The following BRWD1 variants were observed in gnomAD, a reference collection of about 807,000 sequenced individuals.
BRWD1 encodes the protein bromodomain and WD repeat-containing protein 1.
A neutral mutation model predicts 251.2 loss-of-function variants in BRWD1; 82 were observed. That is an observed-to-expected ratio of 0.33 (90% CI 0.27 to 0.39). The LOEUF (loss-of-function observed/expected upper bound fraction) is 0.39. BRWD1 is among the 10% of genes least tolerant of loss of function. The pLI, the probability that BRWD1 is intolerant of heterozygous loss-of-function variation, is 1.00. For synonymous variants in BRWD1, 918 were observed against 902.8 expected, an observed-to-expected ratio of 1.02 and a Z score of -0.30; for missense variants, 2,233 against 2,711.6, an observed-to-expected ratio of 0.82 and a Z score of 3.92.
intron 23 of BRWD1, chr21:39,235,959 A>G (rs535130528): frequency 7.1e-5 from 15 of 210,578 alleles, no homozygotes; most frequent in Non-Finnish European, 1.2e-4. Context: ...AAAGGTGGCA[A>G]GAGGCTTATG....
rs2031857280 is a variant in BRWD1 at position 39,197,023 on chromosome 21, C to T, written c.6046G>A (p.Gly2016Arg). Residue 2016 changes from glycine (G) to arginine (R), a missense_variant, in exon 41 of 41, where the codon GGA (glycine) becomes AGA (arginine). Around this residue, in one of 12 missense-constraint regions of BRWD1, gnomAD observed 928 missense variants for 970.0 expected, o/e 0.96. Coordinates refer to ENST00000342449, the MANE Select transcript of BRWD1 (RefSeq NM_033656.4). ...STKVLSQALN[G>R]DSDSEDMLNS... Reference sequence around the variant, plus strand: ...AACATATCTTCAGAGTCTGAGTCTCCATTTAGAGCCTGACTAAGCACTTTT... The same window carrying T: ...AACATATCTTCAGAGTCTGAGTCTCTATTTAGAGCCTGACTAAGCACTTTT... 1 of 1,613,962 alleles carries T rather than the reference C, an allele frequency of 6.2e-7. No individual in the cohort carries two copies. Among genetic ancestry groups the T allele is most frequent in the African/African-American group, 1.3e-5 (1 of 74,902 alleles).
At chr21:39,310,642 C>A (rs1003970934) in intron 4 of BRWD1, among the ~76,000 whole-genome samples, 1 of 151,998 alleles carries the variant, frequency 6.6e-6, no homozygotes, top group Non-Finnish European at 1.5e-5. Flanking sequence ...TGATGATATA[C>A]AGCGGTGCAT....
intron 8 of BRWD1, among the ~76,000 whole-genome samples, chr21:39,281,577 C>G (rs1026243386): frequency 2.0e-5 from 3 of 152,180 alleles, no homozygotes; most frequent in Admixed American, 6.5e-5. Context: ...CGGCTGTGAT[C>G]CCAGTACTAT....
In BRWD1 at chr21:39,192,955, G is replaced by A; in HGVS notation, c.*3304C>T. 1 of 984,620 alleles carries A rather than the reference G, an allele frequency of 1.0e-6. No homozygotes were observed. Among genetic ancestry groups the A allele is most frequent in the Non-Finnish European group, 1.2e-6 (1 of 829,306 alleles). The allele number at this position is 984,620 out of a possible 1,614,324, so 61.0% of individuals were successfully genotyped here. A position where few individuals can be genotyped will look rare whatever the true frequency, so the allele number is the denominator to read the frequency against. On this transcript the variant is annotated 3_prime_UTR_variant, in exon 41 of 41. Coordinates refer to ENST00000342449, the MANE Select transcript of BRWD1 (RefSeq NM_033656.4). ...CAAAAAAAAAAGTCTAGAAGACAGA[G>A]GGAATGTAGTGTGCACCCCTTATTC... is the stretch of plus-strand genomic sequence containing the variant.
At chr21:39,236,264 C>T (rs947561438) in intron 23 of BRWD1, among the ~76,000 whole-genome samples, 1 of 152,172 alleles carries the variant, frequency 6.6e-6, no homozygotes, top group Non-Finnish European at 1.5e-5. Flanking sequence ...TATCTGCCCC[C>T]ACCCATCCCT....
chr21:39,318,250 C>G (rs949916970), upstream of BRWD1, among the ~76,000 whole-genome samples: 3 of 151,946 alleles, frequency 2.0e-5, no homozygotes, highest in South Asian at 2.1e-4. Context: ...TCCAACAATT[C>G]ACATAAGAGA....
chr21:39,234,671 C>G (rs555358140), intron 23 of BRWD1, among the ~76,000 whole-genome samples: 1 of 152,168 alleles, frequency 6.6e-6, no homozygotes, highest in African/African-American at 2.4e-5. Context: ...TTCAATAGCA[C>G]CAACAGCTCA....
intron 4 of BRWD1, among the ~76,000 whole-genome samples, chr21:39,309,269 C>G (rs992628586): frequency 1.7e-4 from 24 of 142,250 alleles, no homozygotes; most frequent in African/African-American, 2.1e-4. Flanking sequence ...GACAACATAG[C>G]GAGTCTTTTT....
intron 21 of BRWD1, among the ~76,000 whole-genome samples, chr21:39,242,064 A>T (rs990384616): frequency 6.6e-6 from 1 of 152,220 alleles, no homozygotes; most frequent in Non-Finnish European, 1.5e-5. Flanking sequence ...CAAAAATGAA[A>T]GAGTCACACA....
At chr21:39,278,620 C>A in intron 10 of BRWD1, 123 bp downstream of exon 10, 4 of 628,176 alleles carry the variant, frequency 6.4e-6, no homozygotes, top group Non-Finnish European at 5.3e-6. Flanking sequence ...TAAATTGAAC[C>A]TAATGAAATA....
Position 39,218,529 on chromosome 21 carries a change from C to T in BRWD1, c.3514G>A (p.Gly1172Ser). 6.2e-7 allele frequency: 1 copy of T among 1,604,736 alleles called. No homozygotes were observed. The highest frequency in any genetic ancestry group is 8.5e-7 in the Non-Finnish European group (1 of 1,177,784). The change falls in exon 30 of 41, where the codon GGT (glycine) becomes AGT (serine). Residue 1172 changes from glycine (G) to serine (S), a missense_variant. Gly to Ser is a moderately conservative substitution (Grantham distance 56). Coordinates refer to ENST00000342449, the MANE Select transcript of BRWD1 (RefSeq NM_033656.4). ...CCAAGATTCAAAAGTTGATCTATACCACTGATAATTCTATCACATTCTTCA... is the reference window on the plus strand; with the variant it reads ...CCAAGATTCAAAAGTTGATCTATACTACTGATAATTCTATCACATTCTTCA... ...RDEECDRIISGIDQLLNLDIA... is the reference protein window; with the variant it reads ...RDEECDRIISSIDQLLNLDIA...
chr21:39,213,675 A>C, intron 32 of BRWD1, 122 bp from the exon 33 acceptor site: 1 of 577,836 alleles, frequency 1.7e-6, no homozygotes, highest in Non-Finnish European at 2.9e-6. Context: ...CAAACAGAGG[A>C]ATATCAGGTT....
chr21:39,304,957 A>ATTTTTTTT (rs36090972), intron 4 of BRWD1, among the ~76,000 whole-genome samples: 7 of 121,206 alleles, frequency 5.8e-5, no homozygotes, highest in African/African-American at 9.3e-5. Flanking sequence ...ATATTTGGAG[A>ATTTTTTTT]TTTTTTTTTT....
At chr21:39,239,880 T>C (rs1175253319) in intron 21 of BRWD1, among the ~76,000 whole-genome samples, 4 of 152,142 alleles carry the variant, frequency 2.6e-5, no homozygotes, top group African/African-American at 9.7e-5. Flanking sequence ...GATCCAGCAA[T>C]CACACTTGAT....
chr21:39,293,053 G>A (rs114306056), intron 8 of BRWD1, among the ~76,000 whole-genome samples: 1,803 of 152,170 alleles, frequency 0.012, 30 homozygotes, highest in African/African-American at 0.041. Flanking sequence ...ATAAAACCTA[G>A]GATTCGCTTT....
intron 7 of BRWD1, among the ~76,000 whole-genome samples, chr21:39,295,196 T>C (rs1259996768): frequency 1.5e-5 from 2 of 136,818 alleles, no homozygotes; most frequent in Non-Finnish European, 3.1e-5. Context: ...TTTTTTTTTT[T>C]TTTTTTTTGA....
At chr21:39,219,894 A>G (rs1485395709) in intron 29 of BRWD1, 4 of 152,232 alleles carry the variant, frequency 2.6e-5, no homozygotes, top group Admixed American at 6.5e-5. Flanking sequence ...ATGTGGGGGA[A>G]GAGGGCAGAG....
At chr21:39,247,622 G>T in intron 21 of BRWD1, 79 bp downstream of exon 21, 1 of 1,356,104 alleles carries the variant, frequency 7.4e-7, no homozygotes, top group Non-Finnish European at 1.0e-6. Context: ...TATAAATTTG[G>T]GGTATATTCA....
intron 18 of BRWD1, among the ~76,000 whole-genome samples, chr21:39,256,310 T>C (rs1486989119): frequency 1.3e-5 from 2 of 152,212 alleles, no homozygotes; most frequent in African/African-American, 2.4e-5. Flanking sequence ...TTTGAAAAAT[T>C]TGCACTGAAG....
Sources: gnomAD v4.1 joint callset for allele counts (sites outside exome capture counted in the v4.1 genomes callset) on GRCh38, gnomAD v4.1.1 for gene constraint, gnomAD v4.1.1 regional missense constraint, MANE v1.5 for transcripts, NCBI Gene and HGNC (gene_info 2026-07-23, HGNC 2026-07-21) for gene names.